ADGRV1: variants seen among roughly 807,000 people sequenced by gnomAD.
The protein encoded by ADGRV1 is G-protein coupled receptor 98.
A neutral mutation model predicts 596.2 loss-of-function variants in ADGRV1; 359 were observed. That is an observed-to-expected ratio of 0.60 (90% confidence interval 0.55 to 0.66). The LOEUF is 0.66. Among genes scored for constraint, ADGRV1 ranks in the 30% least tolerant of loss-of-function variants. ADGRV1 has a pLI of 0.00. For synonymous variants in ADGRV1, 2,681 were observed against 2,679.2 expected (o/e 1.00, Z -0.02); for missense variants, 7,274 against 7,575.6 (o/e 0.96, Z 1.48).
Position 90,823,550 on chromosome 5 carries a change from T to G in ADGRV1, c.16322T>G (p.Met5441Arg). ...QSVSGTTTCT[M>R]GQTKCFISIE... Reference sequence around the variant, plus strand: ...GTGTCAGGGACCACAACCTGTACAATGGGTCAAACAAAATGCTTTATCAGC... The same window carrying G: ...GTGTCAGGGACCACAACCTGTACAAGGGGTCAAACAAAATGCTTTATCAGC... The change falls in exon 76 of 90, where the codon ATG (methionine) becomes AGG (arginine). Residue 5441 changes from methionine to arginine, a missense_variant. Around this residue, in one of 5 missense-constraint regions of ADGRV1, gnomAD observed 1,874 missense variants for 1,970.2 expected, o/e 0.95. Transcript: ENST00000405460. 1 of 1,613,912 alleles carries G rather than the reference T, an allele frequency of 6.2e-7. No homozygotes were observed. The highest frequency in any genetic ancestry group is 1.1e-5 in the South Asian group (1 of 91,072).
At chr5:90,833,416 C>T (rs1764686922) in intron 77 of ADGRV1, among the ~76,000 whole-genome samples, 1 of 152,064 alleles carries the variant, frequency 6.6e-6, no homozygotes, top group South Asian at 2.1e-4. Context: ...TCTCAAGTAG[C>T]CGTGACTACA....
chr5:90,818,993 C>G (rs1255090867), intron 75 of ADGRV1, among the ~76,000 whole-genome samples: 2 of 152,134 alleles, frequency 1.3e-5, no homozygotes, highest in Admixed American at 1.3e-4. Context: ...AGGAATGGTA[C>G]CAGTTCCTCC....
rs73193232 is a variant in ADGRV1, at chr5:90,690,702, G to A, written c.6707-95G>A. ...GGTTATAGCTACTTAGATTGCTTAG[G>A]GGGGAAGAGAATCCACTATAGGATG... On this transcript the variant is annotated intron_variant, in intron 30 of 89. Transcript: ENST00000405460. The A allele has an allele frequency of 1.7e-4, 216 of 1,245,410 alleles. 2 individuals are homozygous for A. The South Asian group carries it at 3.0e-3, about 17-fold the overall frequency. The allele number at this position is 1,245,410 out of a possible 1,614,324, so 77.1% of individuals were successfully genotyped here. A position where few individuals can be genotyped will look rare whatever the true frequency, so the allele number is the denominator to read the frequency against.
chr5:90,608,299 G>A (rs1037621240), intron 1 of ADGRV1, among the ~76,000 whole-genome samples: 1 of 152,052 alleles, frequency 6.6e-6, no homozygotes, highest in Non-Finnish European at 1.5e-5. Flanking sequence ...TGAAGGTTAT[G>A]AGTGGCACAT....
chr5:90,802,600 T>C, intron 70 of ADGRV1, 139 bp from the exon 71 acceptor site: 2 of 679,954 alleles, frequency 2.9e-6, no homozygotes, highest in Non-Finnish European at 4.9e-6. Flanking sequence ...TGGTTTGTTT[T>C]GTGATGGGGA....
chr5:91,144,049 C>CAGGCAGTGGGAGCGGGCCTGCAG (rs1475020725), intron 87 of ADGRV1, among the ~76,000 whole-genome samples: 2 of 152,104 alleles, frequency 1.3e-5, no homozygotes, highest in East Asian at 3.9e-4. Flanking sequence ...GTGGAGAGGC[C>CAGGCAGTGGGAGCGGGCCTGCAG]AGGCAGTGGG....
intron 87 of ADGRV1, among the ~76,000 whole-genome samples, chr5:91,122,744 GTTTATC>G (rs1162330776): frequency 1.3e-5 from 2 of 152,152 alleles, no homozygotes; most frequent in African/African-American, 2.4e-5. Flanking sequence ...ATATGCAAAA[GTTTATC>G]TTTAGTAGCT....
At chr5:90,854,929 A>T (rs1766881159) in intron 81 of ADGRV1, among the ~76,000 whole-genome samples, 1 of 152,228 alleles carries the variant, frequency 6.6e-6, no homozygotes, top group South Asian at 2.1e-4. Context: ...CTCTTAAAAA[A>T]ATTCCACTTG....
At position 90,672,483 on chromosome 5, in the gene ADGRV1, A is replaced by G. The variant is rs1772622096; in HGVS notation, c.4753-63A>G. 1.4e-5 allele frequency: 18 copies of G among 1,299,818 alleles called. No individual in the cohort carries two copies. The South Asian group carries it at 2.2e-4, about 16-fold the overall frequency. The allele number at this position is 1,299,818 out of a possible 1,614,324, so 80.5% of individuals were successfully genotyped here. On this transcript the variant is annotated intron_variant, in intron 21 of 89. Transcript: ENST00000405460. Reference sequence around the variant, plus strand: ...TATGGTAAAAGGATTTCATGGAAGCATTGTAATTTTGTCACTGATTTGAAT... The same window carrying G: ...TATGGTAAAAGGATTTCATGGAAGCGTTGTAATTTTGTCACTGATTTGAAT...
intron 77 of ADGRV1, among the ~76,000 whole-genome samples, chr5:90,833,931 A>T (rs986409158): frequency 2.6e-5 from 4 of 152,196 alleles, no homozygotes; most frequent in Non-Finnish European, 5.9e-5. Flanking sequence ...CATTTAAAAT[A>T]ATTGTCATTA....
chr5:90,836,281 G>A (rs1429862799), intron 77 of ADGRV1, among the ~76,000 whole-genome samples: 1 of 152,164 alleles, frequency 6.6e-6, no homozygotes, highest in Non-Finnish European at 1.5e-5. Context: ...ACTTGCACAT[G>A]AACATTTATA....
At chr5:90,670,166 G>A (rs530085301) in intron 21 of ADGRV1, among the ~76,000 whole-genome samples, 2 of 152,200 alleles carry the variant, frequency 1.3e-5, no homozygotes, top group Non-Finnish European at 2.9e-5. Flanking sequence ...TTCAAACTAG[G>A]CATATTTTAA....
chr5:90,593,140 A>G (rs1759743743), intron 1 of ADGRV1, among the ~76,000 whole-genome samples: 1 of 152,218 alleles, frequency 6.6e-6, no homozygotes, highest in African/African-American at 2.4e-5. Flanking sequence ...TACTATAAAG[A>G]CACATGCACA....
chr5:90,738,558 A>G lies in ADGRV1; in HGVS notation c.10550-6488A>G, dbSNP rs185944682. 2.1e-3 allele frequency among the ~76,000 whole-genome samples: 321 copies of G among 152,242 alleles called. 1 individual carries two copies. The highest frequency in any genetic ancestry group is 7.3e-3 in the African/African-American group (302 of 41,558). ...AAATTTAATTCTCTCTTGTTTCTGA[A>G]GGACAGCTTTCCTGAGTAAAGTATT... is the stretch of plus-strand genomic sequence containing the variant. On this transcript the variant is annotated intron_variant, in intron 50 of 89. Coordinates refer to ENST00000405460, the MANE Select transcript of ADGRV1 (RefSeq NM_032119.4).
At chr5:91,107,549 A>G (rs1016694109) in intron 87 of ADGRV1, among the ~76,000 whole-genome samples, 1 of 152,200 alleles carries the variant, frequency 6.6e-6, no homozygotes, top group Admixed American at 6.5e-5. Context: ...ATTTGCATGT[A>G]ATGCCCTCTC....
Position 90,652,475 on chromosome 5 carries a change from A to C in ADGRV1, c.3546A>C (p.Glu1182Asp), listed in dbSNP as rs1229119565. Residue 1182 changes from glutamate (E) to aspartate (D), a missense_variant, in exon 19 of 90, where the codon GAA (glutamate) becomes GAC (aspartate). Around this residue, in one of 5 missense-constraint regions of ADGRV1, gnomAD observed 1,715 missense variants for 1,708.8 expected, o/e 1.00. Transcript: ENST00000405460. ...GAACTGTTAACTTCATGGATGGAGA[A>C]GAAGCAAAACCAATCATTCTCCATG... ...TSGTVNFMDG[E>D]EAKPIILHAF... 3 of 1,613,636 alleles carry C rather than the reference A, an allele frequency of 1.9e-6. No homozygotes were observed. Among genetic ancestry groups the C allele is most frequent in the Non-Finnish European group, 2.5e-6 (3 of 1,179,618 alleles).
At chr5:90,710,815 G>A (rs1006037858) in intron 39 of ADGRV1, among the ~76,000 whole-genome samples, 166 bp from the exon 40 acceptor site, 4 of 152,114 alleles carry the variant, frequency 2.6e-5, no homozygotes, top group Admixed American at 6.5e-5. Flanking sequence ...TTATTCAGAC[G>A]TGATAAGCAT....
intron 85 of ADGRV1, among the ~76,000 whole-genome samples, chr5:91,039,152 G>A (rs1225549186): frequency 4.6e-5 from 7 of 152,066 alleles, no homozygotes; most frequent in East Asian, 3.9e-4. Context: ...TATTTAAAAC[G>A]CAGCTGACAA....
intron 86 of ADGRV1, among the ~76,000 whole-genome samples, chr5:91,097,700 A>C (rs542778764): frequency 6.8e-4 from 104 of 152,260 alleles, no homozygotes; most frequent in African/African-American, 2.3e-3. Context: ...AGGCATGCAC[A>C]AGGGTTCCAA....
Sources: gnomAD v4.1 joint callset for allele counts (sites outside exome capture counted in the v4.1 genomes callset) on GRCh38, gnomAD v4.1.1 for gene constraint, gnomAD v4.1.1 regional missense constraint, MANE v1.5 for transcripts, NCBI Gene and HGNC (gene_info 2026-07-23, HGNC 2026-07-21) for gene names.